PAPOLG: variants seen among roughly 807,000 people sequenced by gnomAD.
PAPOLG encodes poly(A) polymerase gamma, also known as PAP-gamma.
A neutral mutation model predicts 99.0 loss-of-function variants in PAPOLG; 40 were observed. That is an observed-to-expected ratio of 0.40 (90% CI 0.31 to 0.53). The LOEUF (loss-of-function observed/expected upper bound fraction) is 0.53, where lower values mean the gene tolerates loss of function less well. PAPOLG is among the 20% of genes least tolerant of loss of function. The probability of loss-of-function intolerance (pLI) is 0.41; values close to 1 mark genes in which losing one functional copy is unlikely to be tolerated. For synonymous variants in PAPOLG, 310 were observed against 299.3 expected (o/e 1.04, Z -0.37); for missense variants, 675 against 884.1 (o/e 0.76, Z 3.00).
In PAPOLG at chr2:60,799,604, G is replaced by GTTTGTTTTGTTTTGT. The variant is rs57528783; in HGVS notation, c.*2467_*2481dup. ...ATGATGAGAGGCACTAAGTACATGT[G>GTTTGTTTTGTTTTGT]TTTGTTTTGTTTTGTTTTGTTTTGT... On this transcript the variant is annotated 3_prime_UTR_variant, in exon 22 of 22. Transcript: ENST00000238714. The GTTTGTTTTGTTTTGT allele has an allele frequency of 0.14, 21,758 of 150,230 alleles. 1,782 individuals are homozygous for GTTTGTTTTGTTTTGT. The highest frequency in any genetic ancestry group is 0.2 in the Middle Eastern group (57 of 292). The allele number at this position is 150,230 out of a possible 1,614,324, so 9.3% of individuals were successfully genotyped here.
At position 60,787,525 on chromosome 2, in the gene PAPOLG, C is replaced by T. The variant is rs1671401191; in HGVS notation, c.1301C>T (p.Ser434Leu). 1.9e-6 allele frequency: 3 copies of T among 1,613,048 alleles called. No individual in the cohort carries two copies. Among genetic ancestry groups the T allele is most frequent in the Non-Finnish European group, 2.5e-6 (3 of 1,179,686 alleles). The change falls in exon 15 of 22, where the codon TCA (serine) becomes TTA (leucine). Residue 434 changes from serine to leucine, a missense_variant. Ser to Leu is a moderately radical substitution (Grantham distance 145, BLOSUM62 -2). Around this residue, in one of 3 missense-constraint regions of PAPOLG, gnomAD observed 413 missense variants for 460.5 expected, o/e 0.90. Coordinates refer to ENST00000238714, the MANE Select transcript of PAPOLG (RefSeq NM_022894.4). Reference sequence around the variant, plus strand: ...TTACTTTATAGCAACAATTACGTATCAATGTGGTTCCTTGGGATAATTTTT... The same window carrying T: ...TTACTTTATAGCAACAATTACGTATTAATGTGGTTCCTTGGGATAATTTTT... ...KEHHKDNNYV[S>L]MWFLGIIFRR...
intron 19 of PAPOLG, 31 bp downstream of exon 19, chr2:60,794,222 A>G (rs1671631456): frequency 6.3e-7 from 1 of 1,584,444 alleles, no homozygotes; most frequent in Non-Finnish European, 8.6e-7. Flanking sequence ...GTAATTCAGT[A>G]GTTGATATTT....
Position 60,783,251 on chromosome 2 carries a change from T to C in PAPOLG, c.1166+42T>C, listed in dbSNP as rs775245571. Reference sequence around the variant, plus strand: ...AAGTTTTCTACCTACTGTGTGGTGATAGTAACTTATTTATATGGTGCTTTA... The same window carrying C: ...AAGTTTTCTACCTACTGTGTGGTGACAGTAACTTATTTATATGGTGCTTTA... On this transcript the variant is annotated intron_variant, in intron 13 of 21. Coordinates refer to ENST00000238714, the MANE Select transcript of PAPOLG (RefSeq NM_022894.4). 2.2e-5 allele frequency: 28 copies of C among 1,257,088 alleles called. No homozygotes were observed. The South Asian group carries it at 3.8e-4, about 17-fold the overall frequency. The allele number at this position is 1,257,088 out of a possible 1,614,324, so 77.9% of individuals were successfully genotyped here.
At chr2:60,796,230 TTTTTG>T (rs1213817096) in intron 21 of PAPOLG, among the ~76,000 whole-genome samples, 13 of 118,498 alleles carry the variant, frequency 1.1e-4, no homozygotes, top group African/African-American at 2.2e-4. Context: ...TTTTTTTTTT[TTTTTG>T]GACATGGAGG....
intron 13 of PAPOLG, among the ~76,000 whole-genome samples, chr2:60,785,552 G>A (rs1260904520): frequency 3.3e-5 from 5 of 151,354 alleles, no homozygotes; most frequent in Non-Finnish European, 5.9e-5. Context: ...TTTTAGAGAC[G>A]GAGTCTCACT....
At chr2:60,794,592 C>T in intron 19 of PAPOLG, 118 bp from the exon 20 acceptor site, 1 of 806,894 alleles carries the variant, frequency 1.2e-6, no homozygotes, top group East Asian at 2.7e-5. Flanking sequence ...TCTTACCAAT[C>T]CATGTTTATA....
chr2:60,794,456 C>T, intron 19 of PAPOLG: 1 of 568,730 alleles, frequency 1.8e-6, no homozygotes, highest in East Asian at 3.0e-5. Flanking sequence ...TGTTGATATG[C>T]CCTGCTTCCA....
intron 6 of PAPOLG, 113 bp downstream of exon 6, chr2:60,770,624 T>C: frequency 1.0e-5 from 5 of 486,790 alleles, no homozygotes; most frequent in Admixed American, 4.6e-5. Flanking sequence ...AGTAATCTCT[T>C]TTTTTTTTTT....
In PAPOLG at chr2:60,794,129, C is replaced by G. The variant is rs1029647952; in HGVS notation, c.1927C>G (p.Pro643Ala). 51 of 1,613,658 alleles carry G rather than the reference C, an allele frequency of 3.2e-5. No homozygotes were observed. Among genetic ancestry groups the G allele is most frequent in the Non-Finnish European group, 4.2e-5 (49 of 1,179,738 alleles). The change falls in exon 19 of 22, where the codon CCT (proline) becomes GCT (alanine). Residue 643 changes from proline to alanine, a missense_variant. Pro to Ala is a conservative substitution (Grantham distance 27). Around this residue, in one of 3 missense-constraint regions of PAPOLG, gnomAD observed 413 missense variants for 460.5 expected, o/e 0.90. Transcript: ENST00000238714. ...GMSNITKTVT[P>A]KRSHSPSIDG... Reference sequence around the variant, plus strand: ...GTCAAATATAACTAAGACTGTTACACCTAAGAGATCCCATTCCCCATCCAT... The same window carrying G: ...GTCAAATATAACTAAGACTGTTACAGCTAAGAGATCCCATTCCCCATCCAT...
intron 7 of PAPOLG, among the ~76,000 whole-genome samples, chr2:60,772,956 C>T (rs1390348237): frequency 6.6e-6 from 1 of 151,972 alleles, no homozygotes; most frequent in Non-Finnish European, 1.5e-5. Context: ...GACGGAGTCT[C>T]ACACTGTTAC....
chr2:60,785,437 C>G (rs180803111), intron 13 of PAPOLG, among the ~76,000 whole-genome samples: 2 of 151,924 alleles, frequency 1.3e-5, no homozygotes, highest in South Asian at 2.1e-4. Flanking sequence ...GTGCCCAGCC[C>G]GTGAATTTTT....
chr2:60,757,497 A>G (rs1035657515), intron 1 of PAPOLG, among the ~76,000 whole-genome samples: 2 of 152,188 alleles, frequency 1.3e-5, no homozygotes, highest in Admixed American at 6.5e-5. Context: ...AATAACTGGC[A>G]TAGTTCTAGT....
chr2:60,778,298 C>T (rs1671082571), intron 8 of PAPOLG, among the ~76,000 whole-genome samples: 1 of 151,524 alleles, frequency 6.6e-6, no homozygotes. Flanking sequence ...AGGCATATGC[C>T]ACTACACCCG....
intron 5 of PAPOLG, 121 bp downstream of exon 5, chr2:60,769,011 T>C: frequency 1.4e-6 from 1 of 732,188 alleles, no homozygotes. Flanking sequence ...TTAATAAGAG[T>C]AGCTTTAATA....
At chr2:60,777,539 T>G (rs1671057522) in intron 8 of PAPOLG, among the ~76,000 whole-genome samples, 1 of 152,228 alleles carries the variant, frequency 6.6e-6, no homozygotes, top group African/African-American at 2.4e-5. Flanking sequence ...GTAGCACTTG[T>G]AATTTCTGTC....
intron 7 of PAPOLG, among the ~76,000 whole-genome samples, chr2:60,774,731 G>A (rs1670967116): frequency 6.6e-6 from 1 of 152,056 alleles, no homozygotes; most frequent in Admixed American, 6.6e-5. Context: ...CAGTATTTGT[G>A]GAAAAGGTTT....
At chr2:60,796,969 A>C in intron 21 of PAPOLG, 93 bp from the exon 22 acceptor site, 10 of 1,522,000 alleles carry the variant, frequency 6.6e-6, no homozygotes, top group Non-Finnish European at 8.9e-6. Flanking sequence ...TTGGGAGAAA[A>C]ACTCCCCAAG....
In PAPOLG at chr2:60,774,900, A is replaced by G. The variant is rs996832240; in HGVS notation, c.605-134A>G. ...TGATTTCTCATAAGTGGTAAATTTC[A>G]TACACATAAAATAAGCCCCAATGTT... On this transcript the variant is annotated intron_variant, in intron 7 of 21. Transcript: ENST00000238714. The G allele has an allele frequency of 6.9e-6, 10 of 1,443,948 alleles. No homozygotes were observed. The African/African-American group carries it at 1.2e-4, about 17-fold the overall frequency. The allele number at this position is 1,443,948 out of a possible 1,614,324, so 89.4% of individuals were successfully genotyped here.
At chr2:60,776,454 G>T (rs1417787672) in intron 8 of PAPOLG, among the ~76,000 whole-genome samples, 2 of 127,188 alleles carry the variant, frequency 1.6e-5, no homozygotes, top group African/African-American at 6.1e-5. Flanking sequence ...TTGAGATGGA[G>T]TCTCACTGTC....
Sources: gnomAD v4.1 joint callset for allele counts (sites outside exome capture counted in the v4.1 genomes callset) on GRCh38, gnomAD v4.1.1 for gene constraint, gnomAD v4.1.1 regional missense constraint, MANE v1.5 for transcripts, NCBI Gene and HGNC (gene_info 2026-07-23, HGNC 2026-07-21) for gene names.